Variants in TIAM2 observed in about 807,000 individuals in gnomAD.
The protein encoded by TIAM2 is TIAM Rac1 associated GEF 2.
A neutral mutation model predicts 152.9 loss-of-function variants in TIAM2; 80 were observed. The ratio of observed to expected loss-of-function variants is 0.52; its 90% confidence interval spans 0.44 to 0.63. The LOEUF is 0.63. Among genes scored for constraint, TIAM2 ranks in the 30% least tolerant of loss-of-function variants. TIAM2 has a pLI of 0.00. For synonymous variants in TIAM2, 804 were observed against 838.0 expected, an observed-to-expected ratio of 0.96 and a Z score of 0.70; for missense variants, 1,965 against 2,120.1, an observed-to-expected ratio of 0.93 and a Z score of 1.44.
intron 2 of TIAM2, among the ~76,000 whole-genome samples, chr6:155,101,795 C>A (rs962947802): frequency 3.9e-5 from 6 of 151,922 alleles, no homozygotes; most frequent in African/African-American, 9.7e-5. Flanking sequence ...ACTGCAGCCT[C>A]TGCCTCTCGG....
rs115691797 is a variant in TIAM2, at chr6:155,256,876, G to A, written c.4861G>A (p.Gly1621Arg). 1.4e-3 allele frequency: 2,275 copies of A among 1,614,196 alleles called. 59 individuals carry two copies. The East Asian group carries it at 0.042, about 30-fold the overall frequency. The change falls in exon 27 of 27, where the codon GGA (glycine) becomes AGA (arginine). Residue 1621 changes from glycine (G) to arginine (R), a missense_variant. Gly to Arg is a moderately radical substitution (Grantham distance 125). Transcript: ENST00000682666. Reference protein sequence around the residue: ...PGPESGEGQKGGEQPKLVRGH... With the variant: ...PGPESGEGQKRGEQPKLVRGH... ...CCCGGAGTCGGGTGAGGGTCAGAAA[G>A]GAGGAGAGCAGCCCAAACTGGTCCG...
In TIAM2 at chr6:155,105,240, G is replaced by T. The variant is rs1360946999; in HGVS notation, c.-118+14861G>T. On this transcript the variant is annotated intron_variant, in intron 2 of 26. Coordinates refer to ENST00000682666, the MANE Select transcript of TIAM2 (RefSeq NM_012454.4). Reference sequence around the variant, plus strand: ...AGTGGCACAGTCTTGGCTCACTGCAGCCTCTGCCTCCCGAGTTCTCCCACT... The same window carrying T: ...AGTGGCACAGTCTTGGCTCACTGCATCCTCTGCCTCCCGAGTTCTCCCACT... 2.6e-5 allele frequency among the ~76,000 whole-genome samples: 4 copies of T among 152,266 alleles called. No homozygotes were observed. In the South Asian group the frequency reaches 6.2e-4, roughly 24 times the overall value.
intron 1 of TIAM2, among the ~76,000 whole-genome samples, chr6:155,021,537 C>T (rs1187798346): frequency 6.6e-6 from 1 of 152,104 alleles, no homozygotes; most frequent in African/African-American, 2.4e-5. Flanking sequence ...GCTGGGATTA[C>T]AGGCACGAGC....
intron 15 of TIAM2, among the ~76,000 whole-genome samples, chr6:155,222,143 G>A (rs191067274): frequency 2.2e-4 from 33 of 151,828 alleles, no homozygotes; most frequent in African/African-American, 6.0e-4. Flanking sequence ...TACTAGAGAC[G>A]GGGTTTCACT....
chr6:155,004,734 T>C (rs530327095), intron 1 of TIAM2: 1 of 152,486 alleles, frequency 6.6e-6, no homozygotes, highest in African/African-American at 2.4e-5. Context: ...TACTCTGTTA[T>C]GTAACCTGGT....
intron 2 of TIAM2, among the ~76,000 whole-genome samples, chr6:155,104,042 C>CA (rs1778614702): frequency 4.8e-5 from 3 of 61,972 alleles, no homozygotes; most frequent in South Asian, 4.0e-4. Context: ...ACACACACAC[C>CA]CCCCCCCCCA....
chr6:155,250,599 G>T lies in TIAM2; in HGVS notation c.3952-314G>T, dbSNP rs899996646. Reference sequence around the variant, plus strand: ...GATCCCAGGGGAAAGCTTACAAAAGGCACTCTGGAAGAACCACGGACACTG... The same window carrying T: ...GATCCCAGGGGAAAGCTTACAAAAGTCACTCTGGAAGAACCACGGACACTG... On this transcript the variant is annotated intron_variant, in intron 21 of 26. Transcript: ENST00000682666. 16 of 1,535,908 alleles carry T rather than the reference G, an allele frequency of 1.0e-5. No individual in the cohort carries two copies. In the African/African-American group the frequency reaches 2.1e-4, roughly 20 times the overall value.
chr6:155,160,639 T>C (rs1780245257), intron 7 of TIAM2, among the ~76,000 whole-genome samples: 1 of 152,096 alleles, frequency 6.6e-6, no homozygotes, highest in Non-Finnish European at 1.5e-5. Context: ...CATGGTGGCA[T>C]GCACTTGTGG....
In TIAM2 at chr6:155,129,690, G is replaced by C. The variant is rs773676319; in HGVS notation, c.467G>C (p.Arg156Pro). The change falls in exon 4 of 27, where the codon CGC (arginine) becomes CCC (proline). Residue 156 changes from arginine (R) to proline (P), a missense_variant. Coordinates refer to ENST00000682666, the MANE Select transcript of TIAM2 (RefSeq NM_012454.4). The surrounding 1 kb of genome is among the most constrained non-coding windows in gnomAD (Gnocchi z 4.8). Reference sequence around the variant, plus strand: ...GCCTCCACCCCACCGGGCGAAGACCGCAAGAGCCCCCGAGTGCTCATCAAA... The same window carrying C: ...GCCTCCACCCCACCGGGCGAAGACCCCAAGAGCCCCCGAGTGCTCATCAAA... ...SIASTPPGED[R>P]KSPRVLIKTL... is the part of the protein sequence containing the mutation. The C allele has an allele frequency of 3.7e-6, 6 of 1,613,960 alleles. No homozygotes were observed. The South Asian group carries it at 6.6e-5, about 18-fold the overall frequency.
chr6:155,147,780 T>G (rs1259849056), intron 6 of TIAM2, among the ~76,000 whole-genome samples: 1 of 152,170 alleles, frequency 6.6e-6, no homozygotes, highest in Non-Finnish European at 1.5e-5. Flanking sequence ...CCACCGTGCC[T>G]GGCCAAGCAT....
intron 9 of TIAM2, among the ~76,000 whole-genome samples, chr6:155,173,445 C>T (rs1012327652): frequency 1.3e-5 from 2 of 152,204 alleles, no homozygotes; most frequent in African/African-American, 4.8e-5. Flanking sequence ...ATCCTTCCAT[C>T]TATCTGCACA....
In TIAM2 at chr6:155,095,217, T is replaced by G. The variant is rs1056288910; in HGVS notation, c.-118+4838T>G. Among the ~76,000 whole-genome samples the G allele has an allele frequency of 2.6e-5, 4 of 152,108 alleles. No homozygotes were observed. The East Asian group carries it at 5.8e-4, about 22-fold the overall frequency. ...AGCCTGTAACCTCGTTGACTCTGAG[T>G]GATATAACCGAGGGAGTGGGCTCAA... On this transcript the variant is annotated intron_variant, in intron 2 of 26. Transcript: ENST00000682666.
Position 155,148,132 on chromosome 6 carries a change from A to AG in TIAM2, c.1826_1827insG (p.Asn610LysfsTer76). The stretch of plus-strand genomic sequence containing the variant: ...TAGGCCACCAGCCAGACAGATCTAG[A>AG]AAACTGGGTCACTGCTGTACACTCT... On this transcript the variant is annotated frameshift_variant, in exon 7 of 27. Transcript: ENST00000682666. LOFTEE classifies it high-confidence loss of function. The AG allele has an allele frequency of 6.2e-7, 1 of 1,613,920 alleles. No individual in the cohort carries two copies. Among genetic ancestry groups the AG allele is most frequent in the South Asian group, 1.1e-5 (1 of 91,070 alleles).
intron 9 of TIAM2, chr6:155,168,777 A>G (rs1780504203): frequency 4.5e-6 from 6 of 1,326,812 alleles, no homozygotes; most frequent in Non-Finnish European, 4.1e-6. Flanking sequence ...TAAATAATGA[A>G]AAAGGGTAGC....
At chr6:155,230,836 CTT>C (rs11403366) in intron 15 of TIAM2, among the ~76,000 whole-genome samples, 8 of 140,966 alleles carry the variant, frequency 5.7e-5, no homozygotes, top group Non-Finnish European at 7.7e-5. Flanking sequence ...GGCAGAGCTA[CTT>C]TTTTTTTTTT....
Position 155,038,322 on chromosome 6 carries a change from ATGGGATGCCTGGGGT to A in TIAM2, c.-209+42832_-209+42846del, listed in dbSNP as rs1174031376. ...CCTGCCCTCCTGCTCCTTCCCCCAG[ATGGGATGCCTGGGGT>A]TAGAGAGACTGGCTCTTTGTTCCCA... On this transcript the variant is annotated intron_variant, in intron 1 of 26. Coordinates refer to ENST00000682666, the MANE Select transcript of TIAM2 (RefSeq NM_012454.4). 5.9e-5 allele frequency among the ~76,000 whole-genome samples: 9 copies of A among 152,284 alleles called. 1 individual carries two copies. Among genetic ancestry groups the A allele is most frequent in the Admixed American group, 2.0e-4 (3 of 15,300 alleles).
intron 14 of TIAM2, among the ~76,000 whole-genome samples, chr6:155,185,902 G>A (rs1781031785): frequency 6.6e-6 from 1 of 152,120 alleles, no homozygotes; most frequent in Non-Finnish European, 1.5e-5. Context: ...CGCCTGTGCT[G>A]GAAAAAACAG....
chr6:155,242,715 T>C (rs2115318457), intron 16 of TIAM2, among the ~76,000 whole-genome samples: 1 of 152,248 alleles, frequency 6.6e-6, no homozygotes, highest in Admixed American at 6.5e-5. Flanking sequence ...CTGAACTATA[T>C]CCTGGTCTTG....
intron 1 of TIAM2, among the ~76,000 whole-genome samples, chr6:155,033,591 A>G (rs1327068237): frequency 1.3e-5 from 2 of 152,100 alleles, no homozygotes; most frequent in African/African-American, 4.8e-5. Context: ...CTCAGAAAAA[A>G]AAAAGTTTGC....
Sources: allele counts gnomAD v4.1 joint callset (sites outside exome capture counted in the v4.1 genomes callset), GRCh38; gene constraint gnomAD v4.1.1; non-coding constraint Gnocchi (gnomAD v3.1); transcripts MANE v1.5; gene names NCBI Gene and HGNC (gene_info 2026-07-23, HGNC 2026-07-21).